Variants in TM2D1 observed in about 807,000 individuals in gnomAD.
The protein encoded by TM2D1 is TM2 domain-containing protein 1.
A neutral mutation model predicts 28.4 loss-of-function variants in TM2D1; 15 were observed. That is an observed-to-expected ratio of 0.53 (90% CI 0.35 to 0.81). The LOEUF (loss-of-function observed/expected upper bound fraction) is 0.81. Among genes scored for constraint, TM2D1 ranks in the 40% least tolerant of loss-of-function variants. TM2D1 has a pLI of 0.01. For missense variants in TM2D1, 236 were observed against 254.9 expected (o/e 0.93, Z 0.50); for synonymous variants, 93 against 96.2 (o/e 0.97, Z 0.20).
chr1:61,691,932 A>AAAAAATATATATATATATATATGTAT, intron 5 of TM2D1, among the ~76,000 whole-genome samples: 1 of 76,414 alleles, frequency 1.3e-5, no homozygotes, highest in African/African-American at 4.7e-5. Context: ...AAAAAAAAAA[A>AAAAAATATATATATATATATATGTAT]ATATATATAT....
intron 5 of TM2D1, chr1:61,694,224 A>G (rs1015216088): frequency 6.6e-6 from 1 of 152,278 alleles, no homozygotes; most frequent in Non-Finnish European, 1.5e-5. Flanking sequence ...GTGCCTGTCC[A>G]GTGCAAAAGA....
At chr1:61,685,335 C>T (rs957518743) in intron 5 of TM2D1, among the ~76,000 whole-genome samples, 2 of 152,108 alleles carry the variant, frequency 1.3e-5, no homozygotes, top group Non-Finnish European at 2.9e-5. Context: ...TAAATATTTG[C>T]AAACTAGAAG....
chr1:61,700,396 C>G (rs1405314925), intron 4 of TM2D1: 1 of 1,189,870 alleles, frequency 8.4e-7, no homozygotes, highest in Non-Finnish European at 1.1e-6. Context: ...TTTTCATAAG[C>G]ATTAGTAACT....
At chr1:61,692,980 C>T (rs147854600) in intron 5 of TM2D1, among the ~76,000 whole-genome samples, 151 of 152,222 alleles carry the variant, frequency 9.9e-4, no homozygotes, top group Non-Finnish European at 1.4e-3. Flanking sequence ...CAGTTGCTCA[C>T]GCCTGTAATA....
intron 2 of TM2D1, among the ~76,000 whole-genome samples, chr1:61,722,141 C>T (rs1644572569): frequency 6.6e-6 from 1 of 151,758 alleles, no homozygotes; most frequent in Non-Finnish European, 1.5e-5. Context: ...AATAAATTAG[C>T]TGGGCGTGGT....
intron 4 of TM2D1, chr1:61,699,967 G>A: frequency 1.8e-6 from 1 of 547,934 alleles, no homozygotes; most frequent in Non-Finnish European, 2.8e-6. Flanking sequence ...TCTTTTGTGG[G>A]TAGCAACATG....
intron 2 of TM2D1, among the ~76,000 whole-genome samples, chr1:61,714,143 C>T (rs1251619898): frequency 6.7e-6 from 1 of 148,488 alleles, no homozygotes; most frequent in Non-Finnish European, 1.5e-5. Flanking sequence ...GATCCACCCG[C>T]CTCGGCCTCC....
chr1:61,713,500 A>C (rs901516478), intron 2 of TM2D1, among the ~76,000 whole-genome samples: 32 of 146,228 alleles, frequency 2.2e-4, no homozygotes, highest in African/African-American at 5.2e-4. Context: ...AAAAAAAAAA[A>C]AAAAAAAAAG....
At chr1:61,701,281 A>G (rs1644398454) in intron 3 of TM2D1, among the ~76,000 whole-genome samples, 1 of 148,252 alleles carries the variant, frequency 6.7e-6, no homozygotes, top group Non-Finnish European at 1.5e-5. Flanking sequence ...AATAAATCAT[A>G]TACTATGTTA....
chr1:61,689,781 C>T (rs577486860), intron 5 of TM2D1, among the ~76,000 whole-genome samples: 13 of 152,260 alleles, frequency 8.5e-5, no homozygotes, highest in African/African-American at 2.6e-4. Flanking sequence ...CTCACTAAAC[C>T]GATTTCCACT....
chr1:61,688,793 C>T (rs924466828), intron 5 of TM2D1, among the ~76,000 whole-genome samples: 2 of 149,256 alleles, frequency 1.3e-5, no homozygotes, highest in Admixed American at 6.8e-5. Flanking sequence ...GCCCATAATA[C>T]CAGCACTGTG....
intron 6 of TM2D1, among the ~76,000 whole-genome samples, chr1:61,683,010 TTCAG>T (rs1190767504): frequency 2.6e-5 from 4 of 152,196 alleles, no homozygotes; most frequent in Non-Finnish European, 5.9e-5. Flanking sequence ...TTTGGACTCT[TTCAG>T]TATCTATTTT....
intron 4 of TM2D1, chr1:61,698,102 C>T (rs74076141): frequency 1.3e-5 from 2 of 152,122 alleles, no homozygotes; most frequent in Admixed American, 6.6e-5. Flanking sequence ...TGTTGTGTTA[C>T]GCACTGTACC....
chr1:61,704,484 C>T (rs981137204), intron 3 of TM2D1, among the ~76,000 whole-genome samples: 2 of 151,522 alleles, frequency 1.3e-5, no homozygotes, highest in African/African-American at 4.9e-5. Flanking sequence ...CAGGCTGGAG[C>T]GCAATGGCAC....
intron 2 of TM2D1, among the ~76,000 whole-genome samples, chr1:61,721,541 CAAAA>C (rs34211826): frequency 9.0e-6 from 1 of 111,300 alleles, no homozygotes. Context: ...GACTCTGTCT[CAAAA>C]AAAAAAAAAA....
At chr1:61,691,933 A>AAAAAAATATATATATATATATATG (rs1491136530) in intron 5 of TM2D1, among the ~76,000 whole-genome samples, 1 of 83,026 alleles carries the variant, frequency 1.2e-5, no homozygotes, top group African/African-American at 3.4e-5. Context: ...AAAAAAAAAA[A>AAAAAAATATATATATATATATATG]TATATATATA....
At chr1:61,706,100 G>A (rs1438951964) in intron 3 of TM2D1, among the ~76,000 whole-genome samples, 1 of 152,090 alleles carries the variant, frequency 6.6e-6, no homozygotes, top group Non-Finnish European at 1.5e-5. Flanking sequence ...CTAATATCTC[G>A]ATAAAGCAAA....
At chr1:61,707,410 T>C (rs1423243026) in intron 3 of TM2D1, among the ~76,000 whole-genome samples, 2 of 152,218 alleles carry the variant, frequency 1.3e-5, no homozygotes, top group East Asian at 1.9e-4. Flanking sequence ...AATATAAACC[T>C]GTAAGTTCCA....
chr1:61,718,439 C>T (rs1644537918), intron 2 of TM2D1, among the ~76,000 whole-genome samples: 1 of 152,138 alleles, frequency 6.6e-6, no homozygotes, highest in African/African-American at 2.4e-5. Flanking sequence ...TGCAGGAACA[C>T]TTTTTCCATT....
Sources: gnomAD v4.1 joint callset for allele counts (sites outside exome capture counted in the v4.1 genomes callset) on GRCh38, gnomAD v4.1.1 for gene constraint, MANE v1.5 for transcripts, NCBI Gene and HGNC (gene_info 2026-07-23, HGNC 2026-07-21) for gene names.